RAMP1: variants seen among roughly 807,000 people sequenced by gnomAD.
RAMP1 encodes the protein receptor activity-modifying protein 1.
A neutral mutation model predicts 8.2 loss-of-function variants in RAMP1; 7 were observed. That is an observed-to-expected ratio of 0.85 (90% CI 0.49 to 1.60). The LOEUF (loss-of-function observed/expected upper bound fraction) is 1.60, where lower values mean the gene tolerates loss of function less well. RAMP1 is among the 40% of genes most tolerant of loss of function. The pLI is 0.00. For synonymous variants in RAMP1, 92 were observed against 84.7 expected, an observed-to-expected ratio of 1.09 and a Z score of -0.47; for missense variants, 192 against 202.4, an observed-to-expected ratio of 0.95 and a Z score of 0.31.
chr2:237,896,856 C>T (rs905507604), intron 2 of RAMP1, among the ~76,000 whole-genome samples: 2 of 151,806 alleles, frequency 1.3e-5, no homozygotes, highest in African/African-American at 4.9e-5. Context: ...TCTGTGTTGC[C>T]CAGACTGGTC....
chr2:237,880,874 T>A (rs2062362441), intron 2 of RAMP1, among the ~76,000 whole-genome samples: 1 of 152,230 alleles, frequency 6.6e-6, no homozygotes, highest in Non-Finnish European at 1.5e-5. Flanking sequence ...TTTGACTGAG[T>A]AACTGGGCAC....
chr2:237,866,068 T>C (rs1163319774), intron 1 of RAMP1, among the ~76,000 whole-genome samples: 1 of 152,170 alleles, frequency 6.6e-6, no homozygotes, highest in Non-Finnish European at 1.5e-5. Context: ...TTCATGGTAA[T>C]TGCACTGAAT....
At chr2:237,904,937 A>G (rs940933187) in intron 2 of RAMP1, among the ~76,000 whole-genome samples, 9 of 152,216 alleles carry the variant, frequency 5.9e-5, no homozygotes, top group Admixed American at 4.6e-4. Flanking sequence ...GGACAACTGC[A>G]ACCCAGGGTG....
chr2:237,898,089 G>A (rs2062561245), intron 2 of RAMP1, among the ~76,000 whole-genome samples: 1 of 152,168 alleles, frequency 6.6e-6, no homozygotes, highest in South Asian at 2.1e-4. Flanking sequence ...GGGAACCACT[G>A]TGCCTGGCCA....
chr2:237,896,839 G>A (rs947284459), intron 2 of RAMP1, among the ~76,000 whole-genome samples: 1 of 152,066 alleles, frequency 6.6e-6, no homozygotes, highest in African/African-American at 2.4e-5. Flanking sequence ...AGAGATGGGG[G>A]AGTCTCTCTG....
At chr2:237,876,473 G>A (rs1046906314) in intron 1 of RAMP1, among the ~76,000 whole-genome samples, 1 of 152,140 alleles carries the variant, frequency 6.6e-6, no homozygotes, top group African/African-American at 2.4e-5. Context: ...GTGGCCTGGG[G>A]GGAAAAGGAG....
chr2:237,874,062 G>A (rs1029209251), intron 1 of RAMP1, among the ~76,000 whole-genome samples: 5 of 152,226 alleles, frequency 3.3e-5, no homozygotes, highest in Non-Finnish European at 4.4e-5. Context: ...AGAGGTGGGG[G>A]ATGCAGCATC....
At position 237,878,047 on chromosome 2, in the gene RAMP1, GAC is replaced by G. The variant is rs1239808550; in HGVS notation, c.191+686_191+687del. ...ATCAGAACTCGGCATGTCCGCAATCGACTTTCAAGTCCTTGTTTCTGCCTCCG... is the reference window on the plus strand; with the variant it reads ...ATCAGAACTCGGCATGTCCGCAATCGTTTCAAGTCCTTGTTTCTGCCTCCG... On this transcript the variant is annotated intron_variant, in intron 2 of 2. Transcript: ENST00000254661. This position sits in a 1 kb window ranked among gnomAD's most constrained non-coding sequence, Gnocchi z 5.7. The G allele has an allele frequency of 5.5e-5, 54 of 985,336 alleles. No individual in the cohort carries two copies. The highest frequency in any genetic ancestry group is 6.4e-5 in the Non-Finnish European group (53 of 829,938). 61.0% of individuals were successfully genotyped at this position (985,336 alleles called of 1,614,324 possible).
At chr2:237,876,954 C>T (rs375683903) in intron 1 of RAMP1, among the ~76,000 whole-genome samples, 8 of 152,162 alleles carry the variant, frequency 5.3e-5, no homozygotes, top group Admixed American at 2.0e-4. Flanking sequence ...TGGGGCAGCC[C>T]GATGGCATAA....
intron 2 of RAMP1, among the ~76,000 whole-genome samples, chr2:237,881,063 T>C (rs2062363887): frequency 6.6e-6 from 1 of 152,222 alleles, no homozygotes; most frequent in African/African-American, 2.4e-5. Context: ...ACTTACCTCA[T>C]CAGTTTCTGG....
At chr2:237,890,383 G>A (rs1471872858) in intron 2 of RAMP1, among the ~76,000 whole-genome samples, 1 of 151,812 alleles carries the variant, frequency 6.6e-6, no homozygotes, top group Non-Finnish European at 1.5e-5. Flanking sequence ...TGTATTTTTG[G>A]TAGAAATGGG....
rs370776913 is a variant in RAMP1, at chr2:237,878,328, G to A, written c.191+966G>A. ...AGGAGGGCCTCGGGAGGGTCTTCAC[G>A]GAGGAAAGGTTGCACCAAGGTCACA... On this transcript the variant is annotated intron_variant, in intron 2 of 2. Transcript: ENST00000254661. This position sits in a 1 kb window ranked among gnomAD's most constrained non-coding sequence, Gnocchi z 5.7. 1.6e-4 allele frequency among the ~76,000 whole-genome samples: 24 copies of A among 152,222 alleles called. No homozygotes were observed. Among genetic ancestry groups the A allele is most frequent in the African/African-American group, 4.1e-4 (17 of 41,446 alleles).
chr2:237,866,346 C>T (rs949664527), intron 1 of RAMP1, among the ~76,000 whole-genome samples: 23 of 152,038 alleles, frequency 1.5e-4, no homozygotes, highest in Non-Finnish European at 2.9e-4. Context: ...TCACCCTGTG[C>T]CTGTTTTTTA....
intron 2 of RAMP1, among the ~76,000 whole-genome samples, chr2:237,884,883 C>T (rs917067839): frequency 1.3e-5 from 2 of 152,250 alleles, no homozygotes; most frequent in African/African-American, 4.8e-5. Flanking sequence ...CTCCCCCAGC[C>T]CAAGGAGCTG....
At chr2:237,898,648 C>G (rs1439693725) in intron 2 of RAMP1, among the ~76,000 whole-genome samples, 1 of 152,252 alleles carries the variant, frequency 6.6e-6, no homozygotes, top group Non-Finnish European at 1.5e-5. Flanking sequence ...GCCCAGTTCT[C>G]TGCTGCCTCC....
chr2:237,884,826 C>G (rs566730140), intron 2 of RAMP1, among the ~76,000 whole-genome samples: 1 of 152,236 alleles, frequency 6.6e-6, no homozygotes, highest in African/African-American at 2.4e-5. Context: ...GCTGTCACTG[C>G]GGACCCTGCC....
intron 2 of RAMP1, among the ~76,000 whole-genome samples, chr2:237,905,392 T>C (rs2062641696): frequency 6.6e-6 from 1 of 152,222 alleles, no homozygotes; most frequent in African/African-American, 2.4e-5. Flanking sequence ...TTTTTAGACG[T>C]GGGTGGCACT....
At chr2:237,882,820 A>AGGCCATCACCAGGTGTG (rs149638557) in intron 2 of RAMP1, among the ~76,000 whole-genome samples, 22 of 143,366 alleles carry the variant, frequency 1.5e-4, no homozygotes, top group African/African-American at 5.3e-4. Context: ...GCCTGCAGGC[A>AGGCCATCACCAGGTGTG]GGCCATCACC....
At chr2:237,872,399 C>T (rs749456499) in intron 1 of RAMP1, among the ~76,000 whole-genome samples, 22 of 152,182 alleles carry the variant, frequency 1.4e-4, no homozygotes, top group South Asian at 8.3e-4. Context: ...CTGCCCAGGT[C>T]GTGGGACTCA....
Sources: allele counts gnomAD v4.1 joint callset (sites outside exome capture counted in the v4.1 genomes callset), GRCh38; gene constraint gnomAD v4.1.1; non-coding constraint Gnocchi (gnomAD v3.1); transcripts MANE v1.5; gene names NCBI Gene and HGNC (gene_info 2026-07-23, HGNC 2026-07-21).